Variants in RSF1 observed in about 807,000 individuals in gnomAD.
RSF1 encodes the protein HBV pX-associated protein 8.
In RSF1, 13 loss-of-function variants were observed where a neutral mutation model predicts 145.2. The observed-to-expected ratio is 0.09, with a 90% confidence interval of 0.06 to 0.14. RSF1 has a LOEUF of 0.14. Among genes scored for constraint, RSF1 ranks in the 10% least tolerant of loss-of-function variants. The probability of loss-of-function intolerance (pLI) is 1.00; values close to 1 mark genes in which losing one functional copy is unlikely to be tolerated. For synonymous variants in RSF1, 577 were observed against 592.6 expected, an observed-to-expected ratio of 0.97 and a Z score of 0.38; for missense variants, 1,517 against 1,718.2, an observed-to-expected ratio of 0.88 and a Z score of 2.07.
At chr11:77,820,446 A>G in intron 1 of RSF1, 82 bp downstream of exon 1, 1 of 1,411,492 alleles carries the variant, frequency 7.1e-7, no homozygotes, top group Non-Finnish European at 9.5e-7. Context: ...CCGAGCCGCG[A>G]AGAACCGGGG....
intron 1 of RSF1, among the ~76,000 whole-genome samples, chr11:77,774,753 C>T (rs907978580): frequency 6.7e-6 from 1 of 149,556 alleles, no homozygotes; most frequent in African/African-American, 2.5e-5. Context: ...ATGGTGAAAC[C>T]CTGCTTCTTT....
At chr11:77,785,925 CAAAAAAAA>C (rs10661397) in intron 1 of RSF1, among the ~76,000 whole-genome samples, 4 of 37,140 alleles carry the variant, frequency 1.1e-4, no homozygotes, top group South Asian at 3.6e-3. Flanking sequence ...GATTCTGTCT[CAAAAAAAA>C]AAAAAAAAAA....
At chr11:77,676,741 T>A (rs1416505669) in intron 13 of RSF1, 51 bp downstream of exon 13, 2 of 1,539,558 alleles carry the variant, frequency 1.3e-6, no homozygotes, top group South Asian at 2.3e-5. Flanking sequence ...GCTAGCCCAG[T>A]CCTGTTCCTG....
At chr11:77,758,662 C>T (rs554570700) in intron 2 of RSF1, among the ~76,000 whole-genome samples, 31 of 152,122 alleles carry the variant, frequency 2.0e-4, no homozygotes, top group Non-Finnish European at 3.5e-4. Flanking sequence ...TGGTATTTTA[C>T]GGTTTTGAAT....
intron 15 of RSF1, 48 bp from the exon 16 acceptor site, chr11:77,667,539 G>T (rs766171898): frequency 2.0e-6 from 3 of 1,500,132 alleles, no homozygotes; most frequent in Non-Finnish European, 2.7e-6. Context: ...AACCATAAAC[G>T]AATTTAATTC....
intron 4 of RSF1, among the ~76,000 whole-genome samples, chr11:77,736,500 A>G (rs1961356718): frequency 6.6e-6 from 1 of 152,246 alleles, no homozygotes; most frequent in Admixed American, 6.5e-5. Context: ...TAGGCACTAA[A>G]TATATATTAG....
chr11:77,723,496 T>TAAA (rs1474719282), intron 5 of RSF1, among the ~76,000 whole-genome samples: 6 of 152,200 alleles, frequency 3.9e-5, no homozygotes, highest in Non-Finnish European at 7.3e-5. Context: ...TAAAGTAGTC[T>TAAA]GTAAGTTTAA....
At chr11:77,771,989 G>C (rs947357112) in intron 1 of RSF1, among the ~76,000 whole-genome samples, 5 of 152,098 alleles carry the variant, frequency 3.3e-5, no homozygotes, top group African/African-American at 1.2e-4. Flanking sequence ...AAGCACCTTT[G>C]CCAATCTTAA....
chr11:77,777,530 T>C (rs1037254169), intron 1 of RSF1, among the ~76,000 whole-genome samples: 3 of 151,966 alleles, frequency 2.0e-5, no homozygotes, highest in Admixed American at 1.3e-4. Flanking sequence ...AAGGTGGAGG[T>C]TGTGGTGAGC....
intron 1 of RSF1, among the ~76,000 whole-genome samples, chr11:77,770,461 CA>C (rs1948271425): frequency 6.6e-6 from 1 of 152,038 alleles, no homozygotes; most frequent in African/African-American, 2.4e-5. Context: ...TCTCAAAAAA[CA>C]AAACAAAACA....
chr11:77,820,376 G>A, intron 1 of RSF1, 152 bp downstream of exon 1: 1 of 830,370 alleles, frequency 1.2e-6, no homozygotes, highest in Non-Finnish European at 1.8e-6. Context: ...CCCGGGGGCT[G>A]GGCGGAGAAG....
intron 4 of RSF1, among the ~76,000 whole-genome samples, chr11:77,729,200 T>C (rs998003757): frequency 6.6e-6 from 1 of 152,208 alleles, no homozygotes; most frequent in African/African-American, 2.4e-5. Flanking sequence ...TTGGTTATTA[T>C]ATTTACATCT....
intron 1 of RSF1, among the ~76,000 whole-genome samples, chr11:77,776,931 C>A (rs1412240442): frequency 6.6e-6 from 1 of 152,088 alleles, no homozygotes; most frequent in Admixed American, 6.6e-5. Context: ...GATTATTAAA[C>A]CACTCATTCC....
chr11:77,771,649 G>C (rs1344766146), intron 1 of RSF1, among the ~76,000 whole-genome samples: 1 of 152,154 alleles, frequency 6.6e-6, no homozygotes, highest in Non-Finnish European at 1.5e-5. Flanking sequence ...TAGGCGGCAG[G>C]AAGCAGAGGT....
intron 13 of RSF1, among the ~76,000 whole-genome samples, 184 bp from the exon 14 acceptor site, chr11:77,675,440 G>A (rs974207422): frequency 6.6e-6 from 1 of 152,174 alleles, no homozygotes; most frequent in Non-Finnish European, 1.5e-5. Flanking sequence ...ATCCTCTTAG[G>A]AGGGGTTGTA....
chr11:77,862,312 G>A, the RSF1 span, among the ~76,000 whole-genome samples: 1 of 152,158 alleles, frequency 6.6e-6, no homozygotes, highest in African/African-American at 2.4e-5. Flanking sequence ...GTTAGTGTCT[G>A]ATTTAGCAGT....
intron 2 of RSF1, chr11:77,763,934 T>C (rs1948200817): frequency 6.6e-6 from 1 of 151,692 alleles, no homozygotes; most frequent in Non-Finnish European, 1.5e-5. Context: ...GGGAGGGAGA[T>C]GGTTTGGGGA....
the RSF1 span, among the ~76,000 whole-genome samples, chr11:77,851,740 TG>T: frequency 6.6e-6 from 1 of 152,124 alleles, no homozygotes; most frequent in East Asian, 1.9e-4. Context: ...CGTTCTGCCA[TG>T]GGTAAAAGCT....
chr11:77,844,485 C>A, the RSF1 span, among the ~76,000 whole-genome samples: 2 of 152,074 alleles, frequency 1.3e-5, no homozygotes, highest in Non-Finnish European at 2.9e-5. Flanking sequence ...CCCTCAGCCT[C>A]CTGAGTAGCA....
Sources: gnomAD v4.1 joint callset for allele counts (sites outside exome capture counted in the v4.1 genomes callset) on GRCh38, gnomAD v4.1.1 for gene constraint, MANE v1.5 for transcripts, NCBI Gene and HGNC (gene_info 2026-07-23, HGNC 2026-07-21) for gene names.